The following STN1 variants were observed in gnomAD, a reference collection of about 807,000 sequenced individuals.
The protein encoded by STN1 is CST complex subunit STN1.
In STN1, 29 loss-of-function variants were observed where a neutral mutation model predicts 45.5. The observed-to-expected ratio is 0.64, with a 90% CI of 0.47 to 0.87. The LOEUF is 0.87. STN1 is among the 40% of genes least tolerant of loss of function. STN1 has a pLI of 0.00. For synonymous variants in STN1, 148 were observed against 159.0 expected (o/e 0.93, Z 0.52); for missense variants, 376 against 441.4 (o/e 0.85, Z 1.33).
At chr10:103,913,890 C>T (rs527273280) in intron 2 of STN1, among the ~76,000 whole-genome samples, 21 of 152,128 alleles carry the variant, frequency 1.4e-4, no homozygotes, top group Admixed American at 9.8e-4. Flanking sequence ...AGAGGACCCC[C>T]TGGATCATCA....
Position 103,882,595 on chromosome 10 carries a change from G to T in STN1, c.*89C>A. The stretch of plus-strand genomic sequence containing the variant: ...ATTATGAGGTAACTGCCTCCAGACA[G>T]ATAAGCCCCTGCATGATGCTGAAAG... On this transcript the variant is annotated 3_prime_UTR_variant, in exon 10 of 10. Coordinates refer to ENST00000224950, the MANE Select transcript of STN1 (RefSeq NM_024928.5). 1 of 1,364,690 alleles carries T rather than the reference G, an allele frequency of 7.3e-7. No individual in the cohort carries two copies. The highest frequency in any genetic ancestry group is 1.0e-6 in the Non-Finnish European group (1 of 1,001,998). 84.5% of individuals were successfully genotyped at this position (1,364,690 alleles called of 1,614,324 possible). A position where few individuals can be genotyped will look rare whatever the true frequency, so the allele number is the denominator to read the frequency against.
At position 103,900,242 on chromosome 10, in the gene STN1, A is replaced by G; in HGVS notation, c.296-19T>C. 6.2e-7 allele frequency: 1 copy of G among 1,611,322 alleles called. No homozygotes were observed. Among genetic ancestry groups the G allele is most frequent in the Non-Finnish European group, 8.5e-7 (1 of 1,178,732 alleles). On this transcript the variant is annotated intron_variant, in intron 4 of 9. Transcript: ENST00000224950. ...GGAGCAGCTGTAGTTGTTTAGAGCC[A>G]GAGGGAAAGAGAAAAAGTTATAACA...
At chr10:103,910,759 G>A (rs1843284957) in intron 2 of STN1, 137 bp from the exon 3 acceptor site, 1 of 560,764 alleles carries the variant, frequency 1.8e-6, no homozygotes, top group Admixed American at 3.0e-5. Flanking sequence ...TTAAGAATCA[G>A]TCCTTGACAA....
intron 2 of STN1, among the ~76,000 whole-genome samples, chr10:103,911,876 A>T (rs1157480924): frequency 6.6e-6 from 1 of 152,046 alleles, no homozygotes; most frequent in East Asian, 1.9e-4. Flanking sequence ...AGACAAAGGG[A>T]CTGAGAAAGA....
At position 103,905,356 on chromosome 10, in the gene STN1, T is replaced by C. The variant is rs189640292; in HGVS notation, c.230-200A>G. 9.5e-4 allele frequency among the ~76,000 whole-genome samples: 145 copies of C among 152,308 alleles called. 1 individual carries two copies. In the South Asian group the frequency reaches 0.01, roughly 11 times the overall value. On this transcript the variant is annotated intron_variant, in intron 3 of 9. Coordinates refer to ENST00000224950, the MANE Select transcript of STN1 (RefSeq NM_024928.5). ...TAAACTGCTTGTCTGCACAAGTCAATGTAATACACAAGCCCAGTGGGATAT... is the reference window on the plus strand; with the variant it reads ...TAAACTGCTTGTCTGCACAAGTCAACGTAATACACAAGCCCAGTGGGATAT...
chr10:103,900,545 A>C (rs1352540547), intron 4 of STN1, among the ~76,000 whole-genome samples: 1 of 152,204 alleles, frequency 6.6e-6, no homozygotes, highest in Non-Finnish European at 1.5e-5. Context: ...GCCTTGAGAC[A>C]AATTCTGTAC....
At chr10:103,908,888 A>ATTTT (rs35148368) in intron 3 of STN1, among the ~76,000 whole-genome samples, 1 of 148,602 alleles carries the variant, frequency 6.7e-6, no homozygotes. Flanking sequence ...AATGCAGTTA[A>ATTTT]TTTTTTTTTT....
At position 103,905,125 on chromosome 10, in the gene STN1, G is replaced by A. The variant is rs772451148; in HGVS notation, c.261C>T (p.Ile87=). The change falls in exon 4 of 10, where the codon ATC becomes ATT. Residue 87 remains isoleucine, a synonymous_variant. Coordinates refer to ENST00000224950, the MANE Select transcript of STN1 (RefSeq NM_024928.5). ...ACTCAGTATTCAACTTTTTCCAGCA[G>A]ATGCAGTTTATAACTCCAGTGCTGT... is the stretch of plus-strand genomic sequence containing the variant. The part of the protein sequence containing the change: ...VDDSTGVINC[I]CWKKLNTESV... The A allele has an allele frequency of 4.3e-6, 7 of 1,614,098 alleles. No individual in the cohort carries two copies. The highest frequency in any genetic ancestry group is 1.6e-4 in the Middle Eastern group (1 of 6,062).
chr10:103,897,467 CCA>C, intron 7 of STN1, 79 bp downstream of exon 7: 2 of 1,226,860 alleles, frequency 1.6e-6, no homozygotes, highest in Non-Finnish European at 2.4e-6. Flanking sequence ...AATCTTCATG[CCA>C]CAGTCACTTT....
chr10:103,894,787 G>A (rs1843161121), intron 7 of STN1, among the ~76,000 whole-genome samples: 1 of 151,710 alleles, frequency 6.6e-6, no homozygotes, highest in South Asian at 2.1e-4. Context: ...TCAGGAACTG[G>A]GTGGATCCCT....
chr10:103,897,920 C>T (rs1843182190), intron 6 of STN1, among the ~76,000 whole-genome samples: 1 of 151,866 alleles, frequency 6.6e-6, no homozygotes, highest in Admixed American at 6.6e-5. Flanking sequence ...ATATTCATGA[C>T]AGATTAGGAG....
chr10:103,885,680 G>A (rs1251230508), intron 9 of STN1, among the ~76,000 whole-genome samples: 2 of 152,156 alleles, frequency 1.3e-5, no homozygotes, highest in Admixed American at 6.5e-5. Flanking sequence ...GTGAGCCACT[G>A]TGCCTGGCCT....
chr10:103,890,980 A>C (rs1843136127), intron 8 of STN1, among the ~76,000 whole-genome samples: 1 of 152,186 alleles, frequency 6.6e-6, no homozygotes, highest in African/African-American at 2.4e-5. Flanking sequence ...TATGCAGCAA[A>C]AGGTGAACTT....
intron 3 of STN1, among the ~76,000 whole-genome samples, chr10:103,908,046 T>C (rs913133509): frequency 6.6e-6 from 1 of 151,874 alleles, no homozygotes; most frequent in South Asian, 2.1e-4. Flanking sequence ...GGAGAATCAC[T>C]TGAACCCGGG....
chr10:103,889,009 TC>T, intron 9 of STN1, 62 bp downstream of exon 9: 2 of 1,164,964 alleles, frequency 1.7e-6, no homozygotes, highest in Admixed American at 1.7e-5. Context: ...CATCCAGTGC[TC>T]CCCGGGAGAC....
chr10:103,882,600 G>T lies in STN1; in HGVS notation c.*84C>A. 7.2e-7 allele frequency: 1 copy of T among 1,384,846 alleles called. No individual in the cohort carries two copies. The highest frequency in any genetic ancestry group is 9.8e-7 in the Non-Finnish European group (1 of 1,016,352). The allele number at this position is 1,384,846 out of a possible 1,614,324, so 85.8% of individuals were successfully genotyped here. A position where few individuals can be genotyped will look rare whatever the true frequency, so the allele number is the denominator to read the frequency against. ...GAGGTAACTGCCTCCAGACAGATAA[G>T]CCCCTGCATGATGCTGAAAGTCAGA... On this transcript the variant is annotated 3_prime_UTR_variant, in exon 10 of 10. Coordinates refer to ENST00000224950, the MANE Select transcript of STN1 (RefSeq NM_024928.5).
chr10:103,911,092 A>T (rs1424464184), intron 2 of STN1, among the ~76,000 whole-genome samples: 27 of 145,830 alleles, frequency 1.9e-4, no homozygotes, highest in African/African-American at 3.6e-4. Context: ...ATTTTTTTTA[A>T]AAAAAAACAG....
rs767771071 is a variant in STN1 at position 103,900,165 on chromosome 10, C to T, written c.354G>A (p.Glu118=). 5.6e-6 allele frequency: 9 copies of T among 1,614,020 alleles called. No homozygotes were observed. The highest frequency in any genetic ancestry group is 1.6e-4 in the Middle Eastern group (1 of 6,082). Residue 118 remains glutamate (E), a synonymous_variant, in exon 5 of 10, where the codon GAG becomes GAA. Coordinates refer to ENST00000224950, the MANE Select transcript of STN1 (RefSeq NM_024928.5). ...SLTSQLKKLQ[E]TIEQKTKIEI... ...CTATCTTTGTTTTCTGCTCAATGGT[C>T]TCTTGTAGCTTCTTAAGTTGTGAGG... is the stretch of plus-strand genomic sequence containing the variant.
At chr10:103,905,602 C>G (rs1843235463) in intron 3 of STN1, among the ~76,000 whole-genome samples, 1 of 152,218 alleles carries the variant, frequency 6.6e-6, no homozygotes, top group Non-Finnish European at 1.5e-5. Context: ...ACTTAGGGCG[C>G]AGCCTTCTGT....
Sources: allele counts gnomAD v4.1 joint callset (sites outside exome capture counted in the v4.1 genomes callset), GRCh38; gene constraint gnomAD v4.1.1; transcripts MANE v1.5; gene names NCBI Gene and HGNC (gene_info 2026-07-23, HGNC 2026-07-21).